The following SHISA6 variants were observed in gnomAD, a reference collection of about 807,000 sequenced individuals.
SHISA6 encodes shisa family member 6.
Under a neutral mutation model 47.9 loss-of-function variants are expected in SHISA6, and 22 were observed. That is an observed-to-expected ratio of 0.46 (90% CI 0.33 to 0.66). SHISA6 has a LOEUF of 0.66. SHISA6 is among the 30% of genes least tolerant of loss of function. The pLI, the probability that SHISA6 is intolerant of heterozygous loss-of-function variation, is 0.02. For synonymous variants in SHISA6, 388 were observed against 337.8 expected, an observed-to-expected ratio of 1.15 and a Z score of -1.63; for missense variants, 680 against 764.6, an observed-to-expected ratio of 0.89 and a Z score of 1.30.
In SHISA6 at chr17:11,431,409, C is replaced by T. The variant is rs139528079; in HGVS notation, c.895+51900C>T. ...CACAGGTTTGTGTGGCTGCCTTAGACTTTGCTCAAAGATGAAGGTATACCA... is the reference window on the plus strand; with the variant it reads ...CACAGGTTTGTGTGGCTGCCTTAGATTTTGCTCAAAGATGAAGGTATACCA... On this transcript the variant is annotated intron_variant, in intron 3 of 5. Transcript: ENST00000441885. Among the ~76,000 whole-genome samples the T allele has an allele frequency of 7.9e-3, 1,203 of 152,266 alleles. 22 individuals are homozygous for T. Among genetic ancestry groups the T allele is most frequent in the African/African-American group, 0.027 (1,134 of 41,556 alleles).
At chr17:11,498,061 G>C (rs368087521) in intron 3 of SHISA6, among the ~76,000 whole-genome samples, 23 of 152,206 alleles carry the variant, frequency 1.5e-4, no homozygotes, top group Admixed American at 1.2e-3. Flanking sequence ...CTGGGGGAAT[G>C]TTAATTAGTT....
At chr17:11,283,276 A>G (rs559293504) in intron 2 of SHISA6, among the ~76,000 whole-genome samples, 18 of 152,268 alleles carry the variant, frequency 1.2e-4, no homozygotes, top group Admixed American at 2.0e-4. Flanking sequence ...TAATCATCAT[A>G]TGAATCTATT....
In SHISA6 at chr17:11,350,187, T is replaced by A. The variant is rs867854905; in HGVS notation, c.800-29227T>A. On this transcript the variant is annotated intron_variant, in intron 2 of 5. Transcript: ENST00000441885. ...ATTTATTTATTTATTTATTTATTTT[T>A]TTTTTTTTTTGAGACGGAGTCTCGC... Among the ~76,000 whole-genome samples, 144 of 139,246 alleles carry A rather than the reference T, an allele frequency of 1.0e-3. 1 individual carries two copies. The highest frequency in any genetic ancestry group is 2.9e-3 in the East Asian group (13 of 4,510). 91.4% of individuals were successfully genotyped at this position (139,246 alleles called of 152,430 possible).
Position 11,241,762 on chromosome 17 carries a change from G to A in SHISA6, c.340G>A (p.Glu114Lys), listed in dbSNP as rs184115014. The change falls in exon 1 of 6, where the codon GAG becomes AAG. Residue 114 changes from glutamate (E) to lysine (K), a missense_variant. By Grantham distance (56) the Glu-to-Lys change is moderately conservative. This residue lies in a region of SHISA6 where 559 missense variants were observed against 674.1 expected (regional missense o/e 0.83). Coordinates refer to ENST00000441885, the MANE Select transcript of SHISA6 (RefSeq NM_207386.4). This position sits in a 1 kb window ranked among gnomAD's most constrained non-coding sequence, Gnocchi z 5.5. ...YDKEFECNNS[E>K]SGYLYCCGTC... The stretch of plus-strand genomic sequence containing the variant: ...CAAGGAGTTCGAGTGTAACAACAGC[G>A]AGAGCGGCTACCTGTACTGCTGCGG... 3.2e-5 allele frequency: 49 copies of A among 1,548,352 alleles called. No individual in the cohort carries two copies. The Middle Eastern group carries it at 5.0e-4, about 16-fold the overall frequency.
intron 1 of SHISA6, among the ~76,000 whole-genome samples, chr17:11,242,882 C>T (rs1355096759): frequency 6.6e-6 from 1 of 152,106 alleles, no homozygotes; most frequent in Admixed American, 6.5e-5. Context: ...CCAGTGAGCC[C>T]TTGGGGAAGT....
chr17:11,277,616 A>G (rs62062010), intron 2 of SHISA6, among the ~76,000 whole-genome samples: 14,133 of 152,210 alleles, frequency 0.093, 749 homozygotes, highest in East Asian at 0.16. Flanking sequence ...ATGCTCACAA[A>G]TAACTGAATT....
chr17:11,530,848 G>C (rs1355066694), intron 3 of SHISA6, among the ~76,000 whole-genome samples: 1 of 152,208 alleles, frequency 6.6e-6, no homozygotes, highest in Non-Finnish European at 1.5e-5. Context: ...CCTCTGTAAT[G>C]ATGGCCGACG....
intron 3 of SHISA6, among the ~76,000 whole-genome samples, chr17:11,522,197 C>T (rs1276343299): frequency 2.6e-5 from 4 of 151,968 alleles, no homozygotes; most frequent in South Asian, 2.1e-4. Flanking sequence ...AATCTCCTGA[C>T]CTAGTGATCC....
At chr17:11,544,335 A>G (rs2071862812) in intron 3 of SHISA6, among the ~76,000 whole-genome samples, 1 of 152,204 alleles carries the variant, frequency 6.6e-6, no homozygotes, top group Admixed American at 6.5e-5. Flanking sequence ...ACTAATATCT[A>G]GGATATAAAA....
At chr17:11,329,505 A>G (rs1044141660) in intron 2 of SHISA6, among the ~76,000 whole-genome samples, 3 of 151,496 alleles carry the variant, frequency 2.0e-5, no homozygotes, top group Admixed American at 6.6e-5. Context: ...GCCCTTCCCA[A>G]CTCTTCCCTG....
At chr17:11,260,941 A>G (rs1449951703) in intron 1 of SHISA6, among the ~76,000 whole-genome samples, 1 of 152,074 alleles carries the variant, frequency 6.6e-6, no homozygotes, top group Non-Finnish European at 1.5e-5. Flanking sequence ...GCTGTTCCTC[A>G]GTGACCAATT....
chr17:11,517,135 G>T (rs747670184), intron 3 of SHISA6, among the ~76,000 whole-genome samples: 1 of 152,174 alleles, frequency 6.6e-6, no homozygotes, highest in Non-Finnish European at 1.5e-5. Flanking sequence ...CAATTTAGAA[G>T]TTTCGTTTTC....
chr17:11,285,125 A>G (rs183519275), intron 2 of SHISA6, among the ~76,000 whole-genome samples: 2 of 152,328 alleles, frequency 1.3e-5, no homozygotes, highest in Admixed American at 6.5e-5. Flanking sequence ...ATGTGCTTCT[A>G]TACACACATG....
chr17:11,513,248 A>G (rs1375651276), intron 3 of SHISA6, among the ~76,000 whole-genome samples: 3 of 151,446 alleles, frequency 2.0e-5, no homozygotes, highest in African/African-American at 7.3e-5. Flanking sequence ...ATACATACGT[A>G]TATATGCACA....
intron 3 of SHISA6, among the ~76,000 whole-genome samples, chr17:11,396,961 A>T (rs1181409312): frequency 6.6e-6 from 1 of 152,150 alleles, no homozygotes; most frequent in Non-Finnish European, 1.5e-5. Context: ...TGGAACCCAT[A>T]TGTACAACAT....
rs181725199 is a variant in SHISA6, at chr17:11,398,920, T to G, written c.895+19411T>G. ...TAGTACTTTTGATCATTCTTGGGCC[T>G]GCTGTTATTTCACCTCTTCTATCTT... On this transcript the variant is annotated intron_variant, in intron 3 of 5. Transcript: ENST00000441885. Among the ~76,000 whole-genome samples the G allele has an allele frequency of 5.3e-3, 801 of 151,686 alleles. 9 individuals are homozygous for G. Among genetic ancestry groups the G allele is most frequent in the Middle Eastern group, 0.014 (4 of 294 alleles).
At chr17:11,491,568 A>G (rs1916477336) in intron 3 of SHISA6, among the ~76,000 whole-genome samples, 1 of 152,040 alleles carries the variant, frequency 6.6e-6, no homozygotes, top group African/African-American at 2.4e-5. Context: ...CCACCCAAGC[A>G]TCTGTGGAAA....
intron 2 of SHISA6, among the ~76,000 whole-genome samples, chr17:11,311,795 A>G (rs765826463): frequency 2.7e-5 from 4 of 150,184 alleles, no homozygotes; most frequent in African/African-American, 4.9e-5. Flanking sequence ...TTTTTTTTTG[A>G]GACAGAGTCT....
chr17:11,492,994 T>C lies in SHISA6; in HGVS notation c.896-58902T>C, dbSNP rs1383241564. 5.9e-5 allele frequency among the ~76,000 whole-genome samples: 9 copies of C among 152,166 alleles called. No individual in the cohort carries two copies. In the South Asian group the frequency reaches 1.2e-3, roughly 21 times the overall value. ...AGCAAGGGAACTTGGAGATTGGCCA[T>C]TTGTCACTAGGTGTCTTCTTGCAGG... On this transcript the variant is annotated intron_variant, in intron 3 of 5. Coordinates refer to ENST00000441885, the MANE Select transcript of SHISA6 (RefSeq NM_207386.4).
Sources: gnomAD v4.1 joint callset for allele counts (sites outside exome capture counted in the v4.1 genomes callset) on GRCh38, gnomAD v4.1.1 for gene constraint, gnomAD v4.1.1 regional missense constraint, Gnocchi (gnomAD v3.1) non-coding constraint, MANE v1.5 for transcripts, NCBI Gene and HGNC (gene_info 2026-07-23, HGNC 2026-07-21) for gene names.